HNRNPM: variants seen among roughly 807,000 people sequenced by gnomAD.
The protein encoded by HNRNPM is heterogeneous nuclear ribonucleoprotein M, also known as CEA receptor.
HNRNPM carries 11 observed loss-of-function variants against 73.1 expected under a neutral mutation model. The observed-to-expected ratio is 0.15, with a 90% confidence interval of 0.09 to 0.25. HNRNPM has a LOEUF of 0.25. Ranked by LOEUF, HNRNPM falls within the 10% of genes least tolerant of loss-of-function variation. HNRNPM has a pLI of 1.00. For synonymous variants in HNRNPM, 407 were observed against 355.2 expected (o/e 1.15, Z -1.64); for missense variants, 789 against 1,067.9 (o/e 0.74, Z 3.64).
intron 11 of HNRNPM, 77 bp from the exon 12 acceptor site, chr19:8,474,090 T>C (rs1970340669): frequency 8.5e-6 from 9 of 1,056,654 alleles, no homozygotes; most frequent in Non-Finnish European, 1.2e-5. Flanking sequence ...AGTTGAAACA[T>C]GTGATAGAAT....
chr19:8,468,847 G>A lies in HNRNPM; in HGVS notation c.895+13G>A. 3 of 1,605,024 alleles carry A rather than the reference G, an allele frequency of 1.9e-6. No individual in the cohort carries two copies. Among genetic ancestry groups the A allele is most frequent in the Non-Finnish European group, 1.7e-6 (2 of 1,171,726 alleles). On this transcript the variant is annotated intron_variant, in intron 9 of 15. Transcript: ENST00000325495. ...CAACAACTTCCCCGTAAGTGTTTCA[G>A]TGATTAGGGCTGAGAGTTTGAATTG...
chr19:8,464,662 C>T (rs1042243015), intron 5 of HNRNPM, among the ~76,000 whole-genome samples: 3 of 152,166 alleles, frequency 2.0e-5, no homozygotes, highest in South Asian at 2.1e-4. Flanking sequence ...CTTCTTTTCA[C>T]CTCTTCTCTT....
intron 8 of HNRNPM, among the ~76,000 whole-genome samples, chr19:8,468,412 GATAAACT>G (rs1012413535): frequency 1.4e-4 from 21 of 152,178 alleles, no homozygotes; most frequent in African/African-American, 4.8e-4. Context: ...TCAGGAAAAA[GATAAACT>G]ATAAAGCAAT....
At position 8,459,877 on chromosome 19, in the gene HNRNPM, A is replaced by G. The variant is rs73499623; in HGVS notation, c.284-2652A>G. Among the ~76,000 whole-genome samples the G allele has an allele frequency of 3.6e-3, 549 of 152,306 alleles. 1 individual carries two copies. Among genetic ancestry groups the G allele is most frequent in the African/African-American group, 0.012 (517 of 41,558 alleles). ...TGATTTCTTAGAGCATTTTAAATAG[A>G]GGTAGATAACAGTTGGTGTTAGATT... On this transcript the variant is annotated intron_variant, in intron 2 of 15. Transcript: ENST00000325495.
Position 8,445,100 on chromosome 19 carries a change from G to A in HNRNPM, c.102G>A (p.Pro34=), listed in dbSNP as rs753212471. 2 of 1,408,422 alleles carry A rather than the reference G, an allele frequency of 1.4e-6. No homozygotes were observed. Among genetic ancestry groups the A allele is most frequent in the South Asian group, 1.6e-5 (1 of 63,594 alleles). The allele number at this position is 1,408,422 out of a possible 1,614,324, so 87.2% of individuals were successfully genotyped here. ...APGVPSGNGA[P]GPKGEGERPA... ...GCGTGCCGAGCGGCAACGGGGCTCCGGGCCCTAAGGGGTGAGTATCCCACG... is the reference window on the plus strand; with the variant it reads ...GCGTGCCGAGCGGCAACGGGGCTCCAGGCCCTAAGGGGTGAGTATCCCACG... The change falls in exon 1 of 16, where the codon CCG becomes CCA. Residue 34 remains proline (P), a synonymous_variant. Transcript: ENST00000325495.
At chr19:8,445,146 G>T in intron 1 of HNRNPM, 35 bp downstream of exon 1, 1 of 1,353,076 alleles carries the variant, frequency 7.4e-7, no homozygotes, top group Non-Finnish European at 9.6e-7. Context: ...ACGGGTAAGG[G>T]TTCCTCTCCG....
At position 8,488,800 on chromosome 19, in the gene HNRNPM, T is replaced by A; in HGVS notation, c.2139T>A (p.Asn713Lys). ...EVAERACRMMNGMKLSGREID... is the reference protein window; with the variant it reads ...EVAERACRMMKGMKLSGREID... ...CCGAGAGAGCCTGCCGGATGATGAA[T>A]GGCATGAAGCTGAGTGGCCGAGAGA... The change falls in exon 16 of 16, where the codon AAT becomes AAA. Residue 713 changes from asparagine (N) to lysine (K), a missense_variant. By Grantham distance (94) the Asn-to-Lys change is moderately conservative (BLOSUM62 0). Around this residue, in one of 4 missense-constraint regions of HNRNPM, gnomAD observed 43 missense variants for 105.8 expected, o/e 0.41. Transcript: ENST00000325495. 6.2e-7 allele frequency: 1 copy of A among 1,614,192 alleles called. No homozygotes were observed.
At chr19:8,486,796 C>G (rs1438224539) in intron 14 of HNRNPM, among the ~76,000 whole-genome samples, 1 of 152,234 alleles carries the variant, frequency 6.6e-6, no homozygotes, top group Admixed American at 6.5e-5. Flanking sequence ...AGTGTCCCAT[C>G]CTGCACGGTG....
chr19:8,482,324 G>A (rs765401231), intron 12 of HNRNPM, among the ~76,000 whole-genome samples: 9 of 152,212 alleles, frequency 5.9e-5, no homozygotes, highest in Non-Finnish European at 1.2e-4. Context: ...TAATGTCCAA[G>A]TTGCTGAGCA....
chr19:8,472,929 C>G (rs1391480247), intron 10 of HNRNPM, among the ~76,000 whole-genome samples: 1 of 152,138 alleles, frequency 6.6e-6, no homozygotes, highest in Non-Finnish European at 1.5e-5. Flanking sequence ...CTAAAATTTT[C>G]TAAAAAGTTT....
Position 8,488,785 on chromosome 19 carries a change from C to T in HNRNPM, c.2124C>T (p.Ala708=), listed in dbSNP as rs1013437530. The change falls in exon 16 of 16, where the codon GCC becomes GCT. Residue 708 remains alanine (A), a synonymous_variant. Coordinates refer to ENST00000325495, the MANE Select transcript of HNRNPM (RefSeq NM_005968.5). ...AGTCGCCAGAGGTGGCCGAGAGAGC[C>T]TGCCGGATGATGAATGGCATGAAGC... ...KFESPEVAER[A]CRMMNGMKLS... 33 of 1,614,158 alleles carry T rather than the reference C, an allele frequency of 2.0e-5. No homozygotes were observed. Among genetic ancestry groups the T allele is most frequent in the African/African-American group, 4.0e-5 (3 of 75,044 alleles).
intron 7 of HNRNPM, among the ~76,000 whole-genome samples, chr19:8,466,828 CAAAA>C (rs61362863): frequency 2.1e-4 from 12 of 56,460 alleles, no homozygotes; most frequent in African/African-American, 3.0e-4. Context: ...GACTCAGTCT[CAAAA>C]AAAAAAAAAA....
intron 9 of HNRNPM, among the ~76,000 whole-genome samples, chr19:8,470,708 CTTTTGGCTG>C (rs891097996): frequency 1.4e-4 from 21 of 152,312 alleles, no homozygotes; most frequent in Non-Finnish European, 1.5e-4. Context: ...AGTGTCAGCT[CTTTTGGCTG>C]TTTCCAGAGA....
chr19:8,461,126 AGT>A (rs1491008999), intron 2 of HNRNPM, among the ~76,000 whole-genome samples: 2 of 152,190 alleles, frequency 1.3e-5, no homozygotes, highest in Non-Finnish European at 2.9e-5. Context: ...TTTTGTACAA[AGT>A]GTCAGTTTCG....
At chr19:8,465,043 A>G (rs1343182138) in intron 5 of HNRNPM, among the ~76,000 whole-genome samples, 1 of 152,148 alleles carries the variant, frequency 6.6e-6, no homozygotes, top group Non-Finnish European at 1.5e-5. Context: ...TATATCAGCT[A>G]ATCATGTTTC....
At position 8,486,082 on chromosome 19, in the gene HNRNPM, G is replaced by A; in HGVS notation, c.1654G>A (p.Ala552Thr). Residue 552 changes from alanine to threonine, a missense_variant, in exon 14 of 16, where the codon GCC (alanine) becomes ACC (threonine). Physicochemically the swap from Ala to Thr is moderately conservative, Grantham distance 58. Coordinates refer to ENST00000325495, the MANE Select transcript of HNRNPM (RefSeq NM_005968.5). ...ERMGPVMDRMATGLERMGANN... is the reference protein window; with the variant it reads ...ERMGPVMDRMTTGLERMGANN... ...CATGGGCCCCGTGATGGATCGCATG[G>A]CCACCGGCCTGGAGCGCATGGGCGC... is the stretch of plus-strand genomic sequence containing the variant. 1 of 1,606,416 alleles carries A rather than the reference G, an allele frequency of 6.2e-7. No homozygotes were observed. The highest frequency in any genetic ancestry group is 8.5e-7 in the Non-Finnish European group (1 of 1,179,590).
intron 2 of HNRNPM, among the ~76,000 whole-genome samples, chr19:8,458,887 C>T (rs574016963): frequency 3.3e-5 from 5 of 152,312 alleles, no homozygotes; most frequent in Non-Finnish European, 7.3e-5. Context: ...TATTCCTACC[C>T]AGTCTACTTG....
chr19:8,458,018 A>G (rs1351315234), intron 2 of HNRNPM, among the ~76,000 whole-genome samples: 2 of 152,240 alleles, frequency 1.3e-5, no homozygotes, highest in Admixed American at 1.3e-4. Context: ...AAGAACTGGA[A>G]TTAGTTGTCC....
chr19:8,482,889 T>G (rs1885487836), intron 12 of HNRNPM: 4 of 399,442 alleles, frequency 1.0e-5, no homozygotes, highest in African/African-American at 2.1e-5. Context: ...TGCATATGAC[T>G]CCTATCTCTG....
Sources: allele counts gnomAD v4.1 joint callset (sites outside exome capture counted in the v4.1 genomes callset), GRCh38; gene constraint gnomAD v4.1.1; regional missense constraint gnomAD v4.1.1; transcripts MANE v1.5; gene names NCBI Gene and HGNC (gene_info 2026-07-23, HGNC 2026-07-21).